The following FRAS1 variants were observed in gnomAD, a reference collection of about 807,000 sequenced individuals.
FRAS1 encodes Fraser extracellular matrix complex subunit 1.
FRAS1 carries 290 observed loss-of-function variants against 435.2 expected under a neutral mutation model. That is an observed-to-expected ratio of 0.67 (90% CI 0.61 to 0.73). The LOEUF is 0.73. Ranked by LOEUF, FRAS1 falls within the 30% of genes least tolerant of loss-of-function variation. The probability of loss-of-function intolerance (pLI) is 0.00; values close to 1 mark genes in which losing one functional copy is unlikely to be tolerated. For synonymous variants in FRAS1, 1,800 were observed against 1,851.0 expected (o/e 0.97, Z 0.71); for missense variants, 4,860 against 5,001.5 (o/e 0.97, Z 0.85).
rs779436603 is a variant in FRAS1 at position 78,511,452 on chromosome 4, C to T, written c.9959C>T (p.Ser3320Phe). The T allele has an allele frequency of 9.2e-5, 149 of 1,613,810 alleles. No homozygotes were observed. The highest frequency in any genetic ancestry group is 1.1e-4 in the Non-Finnish European group (134 of 1,179,880). The change falls in exon 64 of 74, where the codon TCC becomes TTC. Residue 3320 changes from serine (S) to phenylalanine (F), a missense_variant. Coordinates refer to ENST00000512123, the MANE Select transcript of FRAS1 (RefSeq NM_025074.7). ...AGTSRGFQAQSFIATLKYLDV... is the reference protein window; with the variant it reads ...AGTSRGFQAQFFIATLKYLDV... ...ACATCCAGAGGCTTCCAGGCTCAGT[C>T]CTTCATCGCAACCTTGAAATACCTG...
intron 2 of FRAS1, among the ~76,000 whole-genome samples, chr4:78,086,703 A>ACAC (rs1308232741): frequency 2.6e-5 from 4 of 152,182 alleles, no homozygotes; most frequent in Non-Finnish European, 5.9e-5. Context: ...CTGGACACAT[A>ACAC]CACCCTCCCA....
chr4:78,333,211 G>A (rs1730013301), intron 18 of FRAS1, 61 bp from the exon 19 acceptor site: 1 of 1,548,024 alleles, frequency 6.5e-7, no homozygotes, highest in Non-Finnish European at 8.7e-7. Flanking sequence ...GAGAGATAGA[G>A]TTACTGTCTG....
intron 6 of FRAS1, among the ~76,000 whole-genome samples, chr4:78,258,768 C>A (rs1172666180): frequency 9.5e-5 from 14 of 146,854 alleles, no homozygotes; most frequent in Middle Eastern, 3.4e-3. Flanking sequence ...AGGTTAGTTA[C>A]ATATGTATAC....
chr4:78,252,362 T>C (rs377023411), intron 4 of FRAS1, 30 bp from the exon 5 acceptor site: 4 of 1,127,678 alleles, frequency 3.5e-6, no homozygotes, highest in Non-Finnish European at 4.8e-6. Flanking sequence ...GGCACTAACC[T>C]TTTTTTTTTT....
At chr4:78,381,933 G>A (rs909049753) in intron 27 of FRAS1, among the ~76,000 whole-genome samples, 2 of 152,302 alleles carry the variant, frequency 1.3e-5, no homozygotes, top group South Asian at 2.1e-4. Flanking sequence ...ATAATAAAAC[G>A]AGGTTGGTAG....
Position 78,400,739 on chromosome 4 carries a change from C to T in FRAS1, c.3981C>T (p.Asp1327=), listed in dbSNP as rs2110345136. 1 of 1,611,802 alleles carries T rather than the reference C, an allele frequency of 6.2e-7. No homozygotes were observed. Among genetic ancestry groups the T allele is most frequent in the Non-Finnish European group, 8.5e-7 (1 of 1,179,198 alleles). ...GCATTTTATTTTTATTTCAGAATGA[C>T]AGGGGTCTTCAGCTTGTGGCTAATT... is the stretch of plus-strand genomic sequence containing the variant. ...LFQVKTVPQN[D]RGLQLVANSM... The change falls in exon 30 of 74, where the codon GAC becomes GAT. Residue 1327 remains aspartate (D), a synonymous_variant. Coordinates refer to ENST00000512123, the MANE Select transcript of FRAS1 (RefSeq NM_025074.7).
At position 78,438,950 on chromosome 4, in the gene FRAS1, C is replaced by G; in HGVS notation, c.5415C>G (p.Phe1805Leu). Residue 1805 changes from phenylalanine to leucine, a missense_variant, in exon 40 of 74, where the codon TTC (phenylalanine) becomes TTG (leucine). By Grantham distance (22) the Phe-to-Leu change is conservative (BLOSUM62 0). Transcript: ENST00000512123. ...ETDGHLVTDSFYFSVSDMDHN... is the reference protein window; with the variant it reads ...ETDGHLVTDSLYFSVSDMDHN... ...ATGGTCATCTGGTTACTGATAGCTT[C>G]TATTTCTCTGTCTCTGACATGGACC... 6.2e-7 allele frequency: 1 copy of G among 1,612,982 alleles called. No individual in the cohort carries two copies. The highest frequency in any genetic ancestry group is 8.5e-7 in the Non-Finnish European group (1 of 1,179,604).
chr4:78,400,593 A>G (rs1732844845), intron 29 of FRAS1, 141 bp from the exon 30 acceptor site: 6 of 718,522 alleles, frequency 8.4e-6, no homozygotes, highest in South Asian at 4.0e-5. Flanking sequence ...TACAAAGTCT[A>G]TAGAGTGACT....
intron 10 of FRAS1, among the ~76,000 whole-genome samples, chr4:78,280,187 TG>T (rs1727263935): frequency 1.3e-5 from 2 of 152,222 alleles, no homozygotes; most frequent in South Asian, 4.1e-4. Flanking sequence ...AGCTTCTCTT[TG>T]GCATATTCAA....
chr4:78,375,237 G>T (rs534666622), intron 25 of FRAS1, among the ~76,000 whole-genome samples: 1 of 152,266 alleles, frequency 6.6e-6, no homozygotes, highest in East Asian at 1.9e-4. Context: ...TACAATGGTG[G>T]TAGTAGAAAA....
At chr4:78,209,465 T>C (rs2110083355) in intron 2 of FRAS1, among the ~76,000 whole-genome samples, 1 of 152,222 alleles carries the variant, frequency 6.6e-6, no homozygotes, top group Middle Eastern at 3.4e-3. Flanking sequence ...GCTTCCTCTG[T>C]CCCCAAAAGA....
At chr4:78,246,231 C>T (rs550421921) in intron 4 of FRAS1, among the ~76,000 whole-genome samples, 60 of 152,144 alleles carry the variant, frequency 3.9e-4, no homozygotes, top group African/African-American at 1.3e-3. Flanking sequence ...CTTTAATCCT[C>T]ATCTTCCACC....
At chr4:78,400,388 T>C (rs1732834182) in intron 29 of FRAS1, among the ~76,000 whole-genome samples, 1 of 152,276 alleles carries the variant, frequency 6.6e-6, no homozygotes, top group East Asian at 1.9e-4. Context: ...AGCTGGCATA[T>C]AATAGGTGCT....
At chr4:78,077,341 G>A (rs1335492719) in intron 2 of FRAS1, among the ~76,000 whole-genome samples, 1 of 152,150 alleles carries the variant, frequency 6.6e-6, no homozygotes, top group Non-Finnish European at 1.5e-5. Flanking sequence ...CTGCACTCCA[G>A]CCTGGGTGAC....
chr4:78,438,118 TTA>T (rs1188881255), intron 38 of FRAS1, among the ~76,000 whole-genome samples: 1 of 152,202 alleles, frequency 6.6e-6, no homozygotes, highest in Non-Finnish European at 1.5e-5. Context: ...TATTATCGTA[TTA>T]TATGTTATAA....
At chr4:78,481,735 C>T in intron 56 of FRAS1, 69 bp from the exon 57 acceptor site, 1 of 1,557,690 alleles carries the variant, frequency 6.4e-7, no homozygotes, top group Non-Finnish European at 8.9e-7. Flanking sequence ...GGGAGAACAT[C>T]ATTCTGAAAA....
At chr4:78,120,520 G>A (rs748856184) in intron 2 of FRAS1, among the ~76,000 whole-genome samples, 21 of 152,202 alleles carry the variant, frequency 1.4e-4, no homozygotes, top group Non-Finnish European at 2.5e-4. Flanking sequence ...AGGAGGAGAA[G>A]CCCCTCTTAG....
intron 2 of FRAS1, among the ~76,000 whole-genome samples, chr4:78,108,459 T>C (rs1742507248): frequency 1.2e-5 from 1 of 85,462 alleles, no homozygotes; most frequent in African/African-American, 5.4e-5. Context: ...TCAAAGCCGT[T>C]CAACTACATG....
At chr4:78,346,729 C>CCTCAAATCTTTCTCTT in intron 20 of FRAS1, among the ~76,000 whole-genome samples, 1 of 152,046 alleles carries the variant, frequency 6.6e-6, no homozygotes, top group Non-Finnish European at 1.5e-5. Flanking sequence ...CATCTTTTCT[C>CCTCAAATCTTTCTCTT]CTCAAATCTT....
Sources: gnomAD v4.1 joint callset for allele counts (sites outside exome capture counted in the v4.1 genomes callset) on GRCh38, gnomAD v4.1.1 for gene constraint, MANE v1.5 for transcripts, NCBI Gene and HGNC (gene_info 2026-07-23, HGNC 2026-07-21) for gene names.